FOXP1: variants seen among roughly 807,000 people sequenced by gnomAD.
FOXP1 encodes forkhead box P1.
In FOXP1, 15 loss-of-function variants were observed where a neutral mutation model predicts 98.2. That is an observed-to-expected ratio of 0.15 (90% CI 0.10 to 0.24). The LOEUF (loss-of-function observed/expected upper bound fraction) is 0.24. Ranked by LOEUF, FOXP1 falls within the 10% of genes least tolerant of loss-of-function variation. The pLI, the probability that FOXP1 is intolerant of heterozygous loss-of-function variation, is 1.00. For missense variants in FOXP1, 633 were observed against 848.5 expected, an observed-to-expected ratio of 0.75 and a Z score of 3.15; for synonymous variants, 371 against 314.5, an observed-to-expected ratio of 1.18 and a Z score of -1.90.
At chr3:70,973,481 C>G (rs770931657) in intron 17 of FOXP1, among the ~76,000 whole-genome samples, 2 of 152,202 alleles carry the variant, frequency 1.3e-5, no homozygotes, top group East Asian at 1.9e-4. Context: ...CCCTTAACAT[C>G]GATAATTTAT....
intron 5 of FOXP1, among the ~76,000 whole-genome samples, chr3:71,292,345 A>G (rs1439030131): frequency 2.6e-5 from 4 of 151,896 alleles, no homozygotes; most frequent in Non-Finnish European, 5.9e-5. Flanking sequence ...TGATTTATTT[A>G]TTTTTTGAGA....
intron 5 of FOXP1, among the ~76,000 whole-genome samples, chr3:71,290,784 A>G (rs2072666440): frequency 6.6e-6 from 1 of 152,222 alleles, no homozygotes; most frequent in South Asian, 2.1e-4. Context: ...CTCAAAGGAA[A>G]TGCTCACAGG....
chr3:71,425,412 C>A (rs2084065739), intron 3 of FOXP1, among the ~76,000 whole-genome samples: 1 of 152,176 alleles, frequency 6.6e-6, no homozygotes, highest in Non-Finnish European at 1.5e-5. Context: ...AGGTGTGAGC[C>A]ACCACACCCA....
At chr3:71,430,296 C>A (rs1451835261) in intron 3 of FOXP1, among the ~76,000 whole-genome samples, 1 of 152,166 alleles carries the variant, frequency 6.6e-6, no homozygotes, top group Non-Finnish European at 1.5e-5. Context: ...CATGCACACA[C>A]AGTAAAATGA....
intron 20 of FOXP1, among the ~76,000 whole-genome samples, chr3:70,964,469 A>G (rs866380256): frequency 6.6e-6 from 1 of 152,376 alleles, no homozygotes; most frequent in Middle Eastern, 3.4e-3. Flanking sequence ...TATGAGAAAT[A>G]GCATCACTTC....
intron 11 of FOXP1, among the ~76,000 whole-genome samples, chr3:71,020,800 G>C (rs139231819): frequency 0.012 from 1,837 of 152,044 alleles, 46 homozygotes; most frequent in African/African-American, 0.042. Context: ...TTCCAAATCT[G>C]CCTCTTTCCA....
At chr3:71,115,903 G>C (rs2058340407) in intron 6 of FOXP1, among the ~76,000 whole-genome samples, 1 of 151,782 alleles carries the variant, frequency 6.6e-6, no homozygotes, top group African/African-American at 2.4e-5. Flanking sequence ...TGCCTTGCTA[G>C]CTTTTGTATT....
chr3:71,537,858 G>T (rs1439126942), intron 2 of FOXP1, among the ~76,000 whole-genome samples: 1 of 152,200 alleles, frequency 6.6e-6, no homozygotes, highest in Non-Finnish European at 1.5e-5. Flanking sequence ...TTATATGGTT[G>T]AAGAAGACAA....
chr3:71,277,666 C>T (rs1416144300), intron 5 of FOXP1, among the ~76,000 whole-genome samples: 1 of 152,076 alleles, frequency 6.6e-6, no homozygotes, highest in Non-Finnish European at 1.5e-5. Flanking sequence ...ACCTGGAGGA[C>T]TGGACATTAG....
chr3:71,490,254 T>C (rs34492796), intron 3 of FOXP1, among the ~76,000 whole-genome samples: 53,791 of 151,888 alleles, frequency 0.35, 10,307 homozygotes, highest in Non-Finnish European at 0.43. Flanking sequence ...CCTAGAACTT[T>C]GGGAGGCTCA....
rs1344343009 is a variant in FOXP1, at chr3:71,343,404, AC to A, written c.-73+15745del. ...CTTTGAGGCCTCTAGGAGAGAAAGG[AC>A]TGAACTAAATAAAATAGCTGGATCT... On this transcript the variant is annotated intron_variant, in intron 4 of 20. Coordinates refer to ENST00000649528, the MANE Select transcript of FOXP1 (RefSeq NM_001349338.3). Among the ~76,000 whole-genome samples, 15 of 152,252 alleles carry A rather than the reference AC, an allele frequency of 9.9e-5. No individual in the cohort carries two copies. The East Asian group carries it at 2.5e-3, about 25-fold the overall frequency.
At chr3:71,334,983 G>C (rs1361545721) in intron 4 of FOXP1, 1 of 152,208 alleles carries the variant, frequency 6.6e-6, no homozygotes, top group South Asian at 2.1e-4. Flanking sequence ...ATAATGCAAA[G>C]AGTGAGTGGC....
intron 6 of FOXP1, among the ~76,000 whole-genome samples, chr3:71,120,403 T>C (rs1488093545): frequency 2.0e-5 from 3 of 152,212 alleles, no homozygotes; most frequent in African/African-American, 7.2e-5. Context: ...GCTGGACAAA[T>C]TGTCCTATGC....
At chr3:71,487,471 C>G (rs186415610) in intron 3 of FOXP1, among the ~76,000 whole-genome samples, 209 of 152,316 alleles carry the variant, frequency 1.4e-3, no homozygotes, top group African/African-American at 4.8e-3. Context: ...AAAGCCCCGG[C>G]CTTATACCTT....
chr3:71,465,414 C>T (rs1478326126), intron 3 of FOXP1, among the ~76,000 whole-genome samples: 1 of 151,952 alleles, frequency 6.6e-6, no homozygotes, highest in Non-Finnish European at 1.5e-5. Context: ...CTAATATGAT[C>T]TCCACTCAGC....
chr3:71,396,933 T>TATAC (rs1486419154), intron 3 of FOXP1, among the ~76,000 whole-genome samples: 5 of 44,644 alleles, frequency 1.1e-4, no homozygotes, highest in African/African-American at 4.6e-4. Context: ...TATATATATA[T>TATAC]ACACATATAT....
chr3:71,223,910 G>C (rs1342528385), intron 5 of FOXP1, among the ~76,000 whole-genome samples: 8 of 152,108 alleles, frequency 5.3e-5, no homozygotes, highest in Non-Finnish European at 1.2e-4. Flanking sequence ...TGGATAGGTG[G>C]ATAGCTCATG....
intron 6 of FOXP1, among the ~76,000 whole-genome samples, chr3:71,170,110 T>G (rs2061576460): frequency 6.6e-6 from 1 of 152,204 alleles, no homozygotes; most frequent in Non-Finnish European, 1.5e-5. Context: ...GTATTTATCT[T>G]CAGCAAACTT....
chr3:71,059,549 T>G (rs2051182192), intron 7 of FOXP1, among the ~76,000 whole-genome samples: 1 of 152,294 alleles, frequency 6.6e-6, no homozygotes, highest in East Asian at 1.9e-4. Flanking sequence ...AAGCTACACA[T>G]GAAAATAATC....
Sources: allele counts gnomAD v4.1 joint callset (sites outside exome capture counted in the v4.1 genomes callset), GRCh38; gene constraint gnomAD v4.1.1; transcripts MANE v1.5; gene names NCBI Gene and HGNC (gene_info 2026-07-23, HGNC 2026-07-21).